Variants in CEP126 observed in about 807,000 individuals in gnomAD.
CEP126 encodes the protein centrosomal protein 126.
A neutral mutation model predicts 107.8 loss-of-function variants in CEP126; 74 were observed. That is an observed-to-expected ratio of 0.69 (90% confidence interval 0.57 to 0.83). CEP126 has a LOEUF of 0.83. Ranked by LOEUF, CEP126 falls within the 40% of genes least tolerant of loss-of-function variation. CEP126 has a pLI of 0.00. For synonymous variants in CEP126, 449 were observed against 446.0 expected (o/e 1.01, Z -0.08); for missense variants, 1,237 against 1,281.9 (o/e 0.96, Z 0.53).
At chr11:101,947,010 G>T (rs1279617250) in intron 3 of CEP126, among the ~76,000 whole-genome samples, 1 of 152,146 alleles carries the variant, frequency 6.6e-6, no homozygotes, top group Non-Finnish European at 1.5e-5. Flanking sequence ...AGACTATCCT[G>T]TAGCTTTGCA....
chr11:101,968,420 A>T (rs1043486066), intron 6 of CEP126, among the ~76,000 whole-genome samples: 10 of 151,980 alleles, frequency 6.6e-5, no homozygotes, highest in Non-Finnish European at 1.5e-4. Context: ...TGGATGAAGG[A>T]AAAAATGAAG....
At chr11:101,930,544 A>G (rs977858632) in intron 2 of CEP126, among the ~76,000 whole-genome samples, 1 of 152,164 alleles carries the variant, frequency 6.6e-6, no homozygotes, top group Non-Finnish European at 1.5e-5. Flanking sequence ...ATGAAGAGTG[A>G]AAGAACAAAA....
Position 101,943,005 on chromosome 11 carries a change from G to A in CEP126, c.249-1260G>A, listed in dbSNP as rs1940686618. Among the ~76,000 whole-genome samples, 8 of 151,790 alleles carry A rather than the reference G, an allele frequency of 5.3e-5. No individual in the cohort carries two copies. The South Asian group carries it at 1.7e-3, about 31-fold the overall frequency. On this transcript the variant is annotated intron_variant, in intron 2 of 10. Transcript: ENST00000263468. ...CATTTATTAGTGCTGGTTTTACGTG[G>A]AATCTTTAGGGTTTTCTAAATATAA...
intron 9 of CEP126, among the ~76,000 whole-genome samples, chr11:101,989,053 G>C (rs1941345917): frequency 6.6e-6 from 1 of 152,016 alleles, no homozygotes; most frequent in Non-Finnish European, 1.5e-5. Flanking sequence ...TTTATAAAAT[G>C]AACCATGTAT....
At chr11:101,978,751 T>C (rs1941221656) in intron 7 of CEP126, among the ~76,000 whole-genome samples, 1 of 152,144 alleles carries the variant, frequency 6.6e-6, no homozygotes. Flanking sequence ...AAAAATGAGG[T>C]CATTCACAAC....
intron 10 of CEP126, among the ~76,000 whole-genome samples, chr11:101,994,929 G>C (rs185236193): frequency 6.6e-6 from 1 of 151,106 alleles, no homozygotes; most frequent in African/African-American, 2.4e-5. Context: ...GAACATGCAG[G>C]TTTGTTACAT....
chr11:101,919,517 C>G (rs1171991782), intron 1 of CEP126, among the ~76,000 whole-genome samples: 2 of 151,648 alleles, frequency 1.3e-5, no homozygotes, highest in Non-Finnish European at 2.9e-5. Context: ...TATGGAACTC[C>G]TACCTTTACC....
At chr11:101,976,410 A>G (rs1439514664) in intron 6 of CEP126, among the ~76,000 whole-genome samples, 2 of 152,172 alleles carry the variant, frequency 1.3e-5, no homozygotes, top group African/African-American at 2.4e-5. Flanking sequence ...CCTTAGAACA[A>G]TACCTGCCAA....
At chr11:101,946,371 G>A (rs1940736413) in intron 3 of CEP126, among the ~76,000 whole-genome samples, 1 of 152,090 alleles carries the variant, frequency 6.6e-6, no homozygotes, top group Non-Finnish European at 1.5e-5. Context: ...AGCCAGGCAT[G>A]GTAGTTCATG....
intron 2 of CEP126, among the ~76,000 whole-genome samples, chr11:101,928,078 AAT>A (rs1409032463): frequency 6.6e-6 from 1 of 152,028 alleles, no homozygotes; most frequent in Non-Finnish European, 1.5e-5. Flanking sequence ...GGTATGCAGT[AAT>A]ATCTCATTGT....
At chr11:101,956,702 T>G (rs1429409943) in intron 4 of CEP126, 3 of 456,272 alleles carry the variant, frequency 6.6e-6, no homozygotes, top group Non-Finnish European at 1.3e-5. Flanking sequence ...CTCTCCAGGT[T>G]TGCCTCCAAC....
At chr11:101,945,912 G>A (rs1940729403) in intron 3 of CEP126, among the ~76,000 whole-genome samples, 1 of 152,066 alleles carries the variant, frequency 6.6e-6, no homozygotes, top group South Asian at 2.1e-4. Flanking sequence ...AAGGAAAAAA[G>A]GGAAAATGCA....
At chr11:101,986,790 G>A in intron 8 of CEP126, 42 bp from the exon 9 acceptor site, 1 of 1,489,798 alleles carries the variant, frequency 6.7e-7, no homozygotes, top group Non-Finnish European at 9.4e-7. Flanking sequence ...TGATCTCAAA[G>A]ACAAAAGGGG....
At chr11:101,936,827 C>T (rs780376423) in intron 2 of CEP126, among the ~76,000 whole-genome samples, 6 of 152,124 alleles carry the variant, frequency 3.9e-5, no homozygotes, top group Non-Finnish European at 8.8e-5. Flanking sequence ...TATCACTTCC[C>T]TCTTTTTTGT....
chr11:101,974,439 A>G (rs1941170214), intron 6 of CEP126, among the ~76,000 whole-genome samples: 2 of 152,174 alleles, frequency 1.3e-5, no homozygotes, highest in Admixed American at 6.5e-5. Flanking sequence ...CTGAAATGAA[A>G]GGGTAAAAAT....
Position 101,923,942 on chromosome 11 carries a change from T to C in CEP126, c.248+1182T>C, listed in dbSNP as rs146083801. On this transcript the variant is annotated intron_variant, in intron 2 of 10. Coordinates refer to ENST00000263468, the MANE Select transcript of CEP126 (RefSeq NM_020802.4). Reference sequence around the variant, plus strand: ...ATAAAGTGGAATATTTGAGAATACATGTAAAAATATCAGTGTCTGACACAT... The same window carrying C: ...ATAAAGTGGAATATTTGAGAATACACGTAAAAATATCAGTGTCTGACACAT... Among the ~76,000 whole-genome samples the C allele has an allele frequency of 9.5e-3, 1,448 of 152,320 alleles. 9 individuals carry two copies. The highest frequency in any genetic ancestry group is 0.022 in the South Asian group (108 of 4,828).
In CEP126 at chr11:101,997,789, G is replaced by T; in HGVS notation, c.*146G>T. On this transcript the variant is annotated 3_prime_UTR_variant, in exon 11 of 11. Transcript: ENST00000263468. ...TAACTCAGATTTTGTGAGCAGTGAA[G>T]TTTAACAGAGCAGTGACATTTAACA... 1 of 1,052,868 alleles carries T rather than the reference G, an allele frequency of 9.5e-7. No individual in the cohort carries two copies. Among genetic ancestry groups the T allele is most frequent in the Non-Finnish European group, 1.4e-6 (1 of 716,552 alleles). The allele number at this position is 1,052,868 out of a possible 1,614,324, so 65.2% of individuals were successfully genotyped here.
intron 1 of CEP126, chr11:101,916,252 C>G (rs1940209730): frequency 1.3e-5 from 2 of 152,174 alleles, no homozygotes; most frequent in African/African-American, 4.8e-5. Flanking sequence ...TCCCCTTTGT[C>G]TCCAATTTCT....
At chr11:101,970,025 A>C (rs1226403010) in intron 6 of CEP126, among the ~76,000 whole-genome samples, 2 of 152,216 alleles carry the variant, frequency 1.3e-5, no homozygotes, top group East Asian at 3.8e-4. Flanking sequence ...TTTCTTACAC[A>C]ATACTTTAAA....
Sources: allele counts gnomAD v4.1 joint callset (sites outside exome capture counted in the v4.1 genomes callset), GRCh38; gene constraint gnomAD v4.1.1; transcripts MANE v1.5; gene names NCBI Gene and HGNC (gene_info 2026-07-23, HGNC 2026-07-21).